The following RAB44 variants were observed in gnomAD, a reference collection of about 807,000 sequenced individuals.
RAB44 encodes the protein ras-related protein Rab-44.
In RAB44, 67 loss-of-function variants were observed where a neutral mutation model predicts 93.3. The ratio of observed to expected loss-of-function variants is 0.72; its 90% CI spans 0.59 to 0.88. The LOEUF is 0.88. Ranked by LOEUF, RAB44 falls within the 40% of genes least tolerant of loss-of-function variation. RAB44 has a pLI of 0.00. For missense variants in RAB44, 1,064 were observed against 1,261.7 expected (o/e 0.84, Z 2.37); for synonymous variants, 427 against 520.3 (o/e 0.82, Z 2.44).
At chr6:36,700,589 C>T (rs1762486216) in intron 1 of RAB44, among the ~76,000 whole-genome samples, 1 of 151,790 alleles carries the variant, frequency 6.6e-6, no homozygotes, top group African/African-American at 2.4e-5. Context: ...ACAGGCACCC[C>T]ACCATGCCCA....
In RAB44 at chr6:36,722,608, G is replaced by A. The variant is rs1763122712; in HGVS notation, c.2474G>A (p.Gly825Glu). 1 of 1,550,622 alleles carries A rather than the reference G, an allele frequency of 6.4e-7. No individual in the cohort carries two copies. The highest frequency in any genetic ancestry group is 8.7e-7 in the Non-Finnish European group (1 of 1,146,984). Residue 825 changes from glycine to glutamate, a missense_variant, in exon 9 of 14, where the codon GGA becomes GAA. Gly to Glu is a moderately conservative substitution (Grantham distance 98, BLOSUM62 -2). Transcript: ENST00000612677. ...CCGGGAGACCCCATGGCTGGAGGGG[G>A]ACCCCAGGCCAACCCTGATTACCTC... ...PSPGDPMAGGGPQANPDYLFH... is the reference protein window; with the variant it reads ...PSPGDPMAGGEPQANPDYLFH...
intron 7 of RAB44, among the ~76,000 whole-genome samples, chr6:36,720,124 G>C (rs1006533538): frequency 6.6e-6 from 1 of 152,130 alleles, no homozygotes; most frequent in Non-Finnish European, 1.5e-5. Context: ...GGTGGTTTTT[G>C]TTTCTCACAC....
chr6:36,721,660 C>T lies in RAB44; in HGVS notation c.1526C>T (p.Ser509Phe). 1.6e-6 allele frequency: 2 copies of T among 1,234,506 alleles called. No homozygotes were observed. The highest frequency in any genetic ancestry group is 3.1e-5 in the African/African-American group (2 of 64,618). 76.5% of individuals were successfully genotyped at this position (1,234,506 alleles called of 1,614,324 possible). Residue 509 changes from serine to phenylalanine, a missense_variant, in exon 9 of 14, where the codon TCT (serine) becomes TTT (phenylalanine). By Grantham distance (155) the Ser-to-Phe change is radical. Coordinates refer to ENST00000612677, the MANE Select transcript of RAB44 (RefSeq NM_001257357.2). The part of the protein sequence containing the change: ...LEDGPPPPAN[S>F]PPPQAPAGSS... ...GATGGGCCCCCTCCCCCTGCGAACT[C>T]TCCCCCTCCCCAGGCCCCAGCTGGG...
At chr6:36,718,881 G>A (rs1762994712) in intron 7 of RAB44, among the ~76,000 whole-genome samples, 1 of 151,510 alleles carries the variant, frequency 6.6e-6, no homozygotes, top group Non-Finnish European at 1.5e-5. Context: ...TGGCACTGTG[G>A]TTGAGTGTTT....
chr6:36,724,370 G>A (rs566534295), intron 9 of RAB44, among the ~76,000 whole-genome samples: 101 of 151,928 alleles, frequency 6.6e-4, no homozygotes, highest in Non-Finnish European at 1.1e-3. Flanking sequence ...GTTTCACCAC[G>A]TTGGCCAGGC....
chr6:36,725,861 G>C lies in RAB44; in HGVS notation c.2600-1G>C. On this transcript the variant is annotated splice_acceptor_variant, in intron 9 of 13. Transcript: ENST00000612677. LOFTEE classifies it high-confidence loss of function. ...GCTTCACCCCTCTCTATGTGTCCTAGGAGTAGATTTTCGGGTCAAAACCTT... is the reference window on the plus strand; with the variant it reads ...GCTTCACCCCTCTCTATGTGTCCTACGAGTAGATTTTCGGGTCAAAACCTT... 1 of 1,549,920 alleles carries C rather than the reference G, an allele frequency of 6.5e-7. No homozygotes were observed. Among genetic ancestry groups the C allele is most frequent in the African/African-American group, 1.4e-5 (1 of 73,166 alleles).
chr6:36,730,575 T>C (rs914748552), intron 12 of RAB44, 98 bp from the exon 13 acceptor site: 25 of 690,702 alleles, frequency 3.6e-5, no homozygotes, highest in South Asian at 2.2e-4. Context: ...TAGGGATGCA[T>C]TGGGACTCTG....
At chr6:36,720,294 G>A in intron 7 of RAB44, 69 bp from the exon 8 acceptor site, 1 of 1,196,338 alleles carries the variant, frequency 8.4e-7, no homozygotes, top group Non-Finnish European at 1.0e-6. Context: ...GTCCCACAAT[G>A]GCCTTGGGAG....
chr6:36,704,948 C>T (rs139884304), intron 2 of RAB44, among the ~76,000 whole-genome samples: 5,630 of 151,888 alleles, frequency 0.037, 129 homozygotes, highest in Non-Finnish European at 0.059. Context: ...GGTGAAACCC[C>T]GTCTCTACTA....
chr6:36,725,830 T>A, intron 9 of RAB44, 32 bp from the exon 10 acceptor site: 1 of 1,495,130 alleles, frequency 6.7e-7, no homozygotes. Context: ...GATGGTAACT[T>A]AGTAGGCTTC....
intron 7 of RAB44, among the ~76,000 whole-genome samples, chr6:36,719,864 A>T (rs1394202503): frequency 2.0e-5 from 3 of 152,224 alleles, no homozygotes; most frequent in Non-Finnish European, 4.4e-5. Context: ...CAACAGCCAT[A>T]GGAAAGGAGG....
chr6:36,710,304 G>A (rs1762749545), intron 2 of RAB44, among the ~76,000 whole-genome samples: 1 of 152,150 alleles, frequency 6.6e-6, no homozygotes, highest in African/African-American at 2.4e-5. Context: ...TACAGTATTT[G>A]TCTTTTAGTT....
intron 2 of RAB44, among the ~76,000 whole-genome samples, chr6:36,711,484 T>C (rs935967219): frequency 2.6e-5 from 4 of 152,336 alleles, no homozygotes; most frequent in Admixed American, 2.6e-4. Context: ...GTCTAATTTG[T>C]TCAAAGAATC....
chr6:36,713,649 G>A (rs571359018), intron 2 of RAB44, among the ~76,000 whole-genome samples, 179 bp from the exon 3 acceptor site: 33 of 152,324 alleles, frequency 2.2e-4, no homozygotes, highest in African/African-American at 7.7e-4. Flanking sequence ...GCCCTGCTGG[G>A]AGGGCTGCCT....
chr6:36,699,393 C>G (rs1762459796), intron 1 of RAB44, among the ~76,000 whole-genome samples: 1 of 152,122 alleles, frequency 6.6e-6, no homozygotes, highest in African/African-American at 2.4e-5. Flanking sequence ...GCCCGGCAGG[C>G]TGCGATGTGA....
chr6:36,728,852 T>C, intron 12 of RAB44, 51 bp downstream of exon 12: 1 of 1,431,942 alleles, frequency 7.0e-7, no homozygotes. Flanking sequence ...GGCAGACACC[T>C]CCCTGGCAGG....
chr6:36,710,183 C>T (rs1298327779), intron 2 of RAB44, among the ~76,000 whole-genome samples: 2 of 152,158 alleles, frequency 1.3e-5, no homozygotes, highest in African/African-American at 4.8e-5. Flanking sequence ...AATTCTGCAC[C>T]CATCGAACAG....
At chr6:36,704,539 GCC>G in intron 2 of RAB44, 97 bp downstream of exon 2, 6 of 1,141,654 alleles carry the variant, frequency 5.3e-6, no homozygotes, top group Non-Finnish European at 7.5e-6. Flanking sequence ...TGCTACCCCT[GCC>G]CCTTTCTCTC....
In RAB44 at chr6:36,704,341, G is replaced by C. The variant is rs1373491772; in HGVS notation, c.106G>C (p.Glu36Gln). 2.0e-6 allele frequency: 3 copies of C among 1,536,164 alleles called. No homozygotes were observed. Among genetic ancestry groups the C allele is most frequent in the Non-Finnish European group, 2.6e-6 (3 of 1,146,916 alleles). The change falls in exon 2 of 14, where the codon GAG becomes CAG. Residue 36 changes from glutamate (E) to glutamine (Q), a missense_variant. Coordinates refer to ENST00000612677, the MANE Select transcript of RAB44 (RefSeq NM_001257357.2). The stretch of plus-strand genomic sequence containing the variant: ...TGGTGAAGGCGCTGCAGTGGCCCCA[G>C]AGCCAGAGTCTTGGTCCTCTCAGGC... ...ADGEGAAVAPEPESWSSQAAA... is the reference protein window; with the variant it reads ...ADGEGAAVAPQPESWSSQAAA...
Sources: gnomAD v4.1 joint callset for allele counts (sites outside exome capture counted in the v4.1 genomes callset) on GRCh38, gnomAD v4.1.1 for gene constraint, MANE v1.5 for transcripts, NCBI Gene and HGNC (gene_info 2026-07-23, HGNC 2026-07-21) for gene names.